SPAG16: variants seen among roughly 807,000 people sequenced by gnomAD.
SPAG16 encodes sperm associated antigen 16, also known as sperm-associated antigen 16 protein.
SPAG16 carries 86 observed loss-of-function variants against 80.4 expected under a neutral mutation model. The ratio of observed to expected loss-of-function variants is 1.07; its 90% CI spans 0.90 to 1.28. The LOEUF is 1.28. Among genes scored for constraint, SPAG16 ranks in the 50% most tolerant of loss-of-function variants. SPAG16 has a pLI of 0.00. For synonymous variants in SPAG16, 294 were observed against 265.9 expected, an observed-to-expected ratio of 1.11 and a Z score of -1.03; for missense variants, 870 against 765.3, an observed-to-expected ratio of 1.14 and a Z score of -1.61.
chr2:213,588,209 G>A (rs1220542511), intron 10 of SPAG16, among the ~76,000 whole-genome samples: 2 of 152,046 alleles, frequency 1.3e-5, no homozygotes, highest in African/African-American at 4.8e-5. Context: ...AAGCATCAAA[G>A]ACACATGCAT....
At chr2:214,171,840 A>G (rs980111375) in intron 15 of SPAG16, among the ~76,000 whole-genome samples, 9 of 152,084 alleles carry the variant, frequency 5.9e-5, no homozygotes, top group African/African-American at 1.9e-4. Flanking sequence ...TTAAGTGAAA[A>G]GTTATTAATG....
At chr2:213,868,236 T>A (rs1575407831) in intron 11 of SPAG16, among the ~76,000 whole-genome samples, 1 of 117,678 alleles carries the variant, frequency 8.5e-6, no homozygotes, top group East Asian at 2.9e-4. Context: ...TATTTTTTTT[T>A]ATAAAAATGA....
rs1290961395 is a variant in SPAG16 at position 213,588,952 on chromosome 2, T to C, written c.1070+98862T>C. Reference sequence around the variant, plus strand: ...TGGTAGAATTGCTGGTTTAGAAAAATCAGTTCAAATTTAAACGATAATCTG... The same window carrying C: ...TGGTAGAATTGCTGGTTTAGAAAAACCAGTTCAAATTTAAACGATAATCTG... On this transcript the variant is annotated intron_variant, in intron 10 of 15. Transcript: ENST00000331683. Among the ~76,000 whole-genome samples the C allele has an allele frequency of 2.7e-5, 4 of 146,872 alleles. No individual in the cohort carries two copies. The Admixed American group carries it at 2.8e-4, about 10-fold the overall frequency.
At position 213,913,573 on chromosome 2, in the gene SPAG16, ATATATGTACATGTACATATATG is replaced by A. The variant is rs1351160597; in HGVS notation, c.1215-16309_1215-16288del. ...TGTGTGTATCTCTCTGTGTGTGTAT[ATATATGTACATGTACATATATG>A]TATATGTACATGTACATATATGTAT... On this transcript the variant is annotated intron_variant, in intron 11 of 15. Coordinates refer to ENST00000331683, the MANE Select transcript of SPAG16 (RefSeq NM_024532.5). Among the ~76,000 whole-genome samples the A allele has an allele frequency of 2.2e-3, 280 of 127,874 alleles. 1 individual carries two copies. The highest frequency in any genetic ancestry group is 8.0e-3 in the African/African-American group (260 of 32,656). 83.9% of individuals were successfully genotyped at this position (127,874 alleles called of 152,430 possible). A position where few individuals can be genotyped will look rare whatever the true frequency, so the allele number is the denominator to read the frequency against.
chr2:213,636,292 C>A (rs2062358713), intron 10 of SPAG16, among the ~76,000 whole-genome samples: 1 of 152,106 alleles, frequency 6.6e-6, no homozygotes, highest in Non-Finnish European at 1.5e-5. Context: ...GTTCTTTATT[C>A]TGTTCCATTG....
At chr2:214,305,262 C>T (rs1281470112) in intron 15 of SPAG16, among the ~76,000 whole-genome samples, 2 of 152,128 alleles carry the variant, frequency 1.3e-5, no homozygotes, top group Non-Finnish European at 2.9e-5. Flanking sequence ...CTTGTAGACT[C>T]TTGTTATTAG....
At chr2:213,517,134 C>T (rs1047344029) in intron 10 of SPAG16, among the ~76,000 whole-genome samples, 3 of 152,032 alleles carry the variant, frequency 2.0e-5, no homozygotes, top group Admixed American at 6.6e-5. Context: ...CAAAATCATA[C>T]AAAAATTGGT....
At chr2:213,308,306 T>A (rs1003888044) in intron 3 of SPAG16, among the ~76,000 whole-genome samples, 5 of 152,176 alleles carry the variant, frequency 3.3e-5, no homozygotes, top group Non-Finnish European at 7.4e-5. Context: ...CATTTGTTGC[T>A]TGCTGAAATG....
At chr2:213,888,268 C>T (rs888652491) in intron 11 of SPAG16, among the ~76,000 whole-genome samples, 1 of 151,602 alleles carries the variant, frequency 6.6e-6, no homozygotes, top group East Asian at 1.9e-4. Context: ...GACAAAGCTC[C>T]TGTTTATAAG....
At chr2:214,284,870 A>G (rs1576677256) in intron 15 of SPAG16, among the ~76,000 whole-genome samples, 2 of 151,808 alleles carry the variant, frequency 1.3e-5, no homozygotes, top group East Asian at 1.9e-4. Flanking sequence ...GTCTTTATCC[A>G]TTCATCCACT....
chr2:213,294,006 G>A (rs1414634209), intron 1 of SPAG16, among the ~76,000 whole-genome samples: 1 of 152,130 alleles, frequency 6.6e-6, no homozygotes, highest in East Asian at 1.9e-4. Context: ...TAGTTACTGT[G>A]CTATACATTA....
At chr2:213,740,331 A>G (rs1025935757) in intron 10 of SPAG16, among the ~76,000 whole-genome samples, 1 of 152,214 alleles carries the variant, frequency 6.6e-6, no homozygotes, top group East Asian at 1.9e-4. Context: ...AGTTGAGTGA[A>G]GTTTCTGTAA....
chr2:213,515,128 A>G (rs1159348066), intron 10 of SPAG16, among the ~76,000 whole-genome samples: 1 of 152,124 alleles, frequency 6.6e-6, no homozygotes, highest in Non-Finnish European at 1.5e-5. Flanking sequence ...GAAATAAACT[A>G]AATAAATATT....
chr2:213,979,970 C>T (rs539265725), intron 12 of SPAG16, among the ~76,000 whole-genome samples: 12 of 151,822 alleles, frequency 7.9e-5, no homozygotes, highest in Non-Finnish European at 1.6e-4. Flanking sequence ...ATTTTCTCTC[C>T]ACCCTTCCAG....
chr2:213,963,055 TG>T (rs987657969), intron 12 of SPAG16, among the ~76,000 whole-genome samples: 2 of 151,176 alleles, frequency 1.3e-5, no homozygotes, highest in Non-Finnish European at 2.9e-5. Context: ...ACTGTTATTT[TG>T]TTTCCTTTCT....
intron 10 of SPAG16, among the ~76,000 whole-genome samples, chr2:213,791,414 A>G (rs2070695425): frequency 6.6e-6 from 1 of 152,132 alleles, no homozygotes; most frequent in African/African-American, 2.4e-5. Context: ...TTATACAAAG[A>G]AAATAGTTTT....
chr2:213,715,222 G>GTCTATCTATCCATCTATCTA lies in SPAG16; in HGVS notation c.1071-147253_1071-147252insCATCTATCTATCTATCTATC, dbSNP rs1553615158. On this transcript the variant is annotated intron_variant, in intron 10 of 15. Coordinates refer to ENST00000331683, the MANE Select transcript of SPAG16 (RefSeq NM_024532.5). ...AGATTCAAGTTAGGTAGATCTATCT[G>GTCTATCTATCCATCTATCTA]TCTATCTATCTATCTATCTATCTAT... Among the ~76,000 whole-genome samples the GTCTATCTATCCATCTATCTA allele has an allele frequency of 3.6e-3, 403 of 110,576 alleles. 4 individuals are homozygous for GTCTATCTATCCATCTATCTA. Among genetic ancestry groups the GTCTATCTATCCATCTATCTA allele is most frequent in the South Asian group, 0.019 (66 of 3,414 alleles). 72.5% of individuals were successfully genotyped at this position (110,576 alleles called of 152,430 possible). A position where few individuals can be genotyped will look rare whatever the true frequency, so the allele number is the denominator to read the frequency against.
intron 10 of SPAG16, among the ~76,000 whole-genome samples, chr2:213,575,639 A>G (rs909649100): frequency 2.0e-5 from 3 of 152,062 alleles, no homozygotes; most frequent in Non-Finnish European, 2.9e-5. Context: ...TGTCATGCCA[A>G]TTTCTAATTG....
At chr2:213,309,172 T>C (rs2063078302) in intron 3 of SPAG16, among the ~76,000 whole-genome samples, 1 of 152,154 alleles carries the variant, frequency 6.6e-6, no homozygotes, top group Non-Finnish European at 1.5e-5. Context: ...GATTAGGGAT[T>C]GCTCAACTTG....
Sources: allele counts gnomAD v4.1 joint callset (sites outside exome capture counted in the v4.1 genomes callset), GRCh38; gene constraint gnomAD v4.1.1; transcripts MANE v1.5; gene names NCBI Gene and HGNC (gene_info 2026-07-23, HGNC 2026-07-21).